Variants in GRIP1 observed in about 807,000 individuals in gnomAD.
The protein encoded by GRIP1 is glutamate receptor-interacting protein 1.
A neutral mutation model predicts 129.9 loss-of-function variants in GRIP1; 45 were observed. That is an observed-to-expected ratio of 0.35 (90% CI 0.27 to 0.44). The LOEUF (loss-of-function observed/expected upper bound fraction) is 0.44, where lower values mean the gene tolerates loss of function less well. Ranked by LOEUF, GRIP1 falls within the 20% of genes least tolerant of loss-of-function variation. GRIP1 has a pLI of 1.00. For synonymous variants in GRIP1, 530 were observed against 520.8 expected (o/e 1.02, Z -0.24); for missense variants, 1,196 against 1,396.8 (o/e 0.86, Z 2.29).
intron 1 of GRIP1, among the ~76,000 whole-genome samples, chr12:67,064,129 C>T (rs1011829374): frequency 2.6e-5 from 4 of 152,146 alleles, no homozygotes; most frequent in Non-Finnish European, 5.9e-5. Context: ...TGTTGAGGTT[C>T]CAATCCTTAT....
chr12:66,993,281 C>T (rs1344016749), intron 1 of GRIP1, among the ~76,000 whole-genome samples: 1 of 151,924 alleles, frequency 6.6e-6, no homozygotes, highest in Non-Finnish European at 1.5e-5. Flanking sequence ...ACCTAACCTT[C>T]TACTTTAAGA....
chr12:66,723,379 A>G (rs2036155929), intron 1 of GRIP1, among the ~76,000 whole-genome samples: 2 of 143,096 alleles, frequency 1.4e-5, no homozygotes, highest in Non-Finnish European at 3.0e-5. Context: ...GTGGTGCGAT[A>G]GCAGCTCATT....
At chr12:66,725,302 C>CA (rs548061585) in intron 1 of GRIP1, among the ~76,000 whole-genome samples, 34 of 151,358 alleles carry the variant, frequency 2.2e-4, no homozygotes, top group Middle Eastern at 3.4e-3. Flanking sequence ...GAGCCTGTCT[C>CA]AAAAAAACAC....
At chr12:66,505,082 A>G (rs2060492131) in intron 7 of GRIP1, among the ~76,000 whole-genome samples, 1 of 152,196 alleles carries the variant, frequency 6.6e-6, no homozygotes, top group Non-Finnish European at 1.5e-5. Context: ...GATACAATAT[A>G]TAACTCCAAT....
intron 1 of GRIP1, among the ~76,000 whole-genome samples, chr12:66,638,954 G>T (rs1056800480): frequency 6.6e-6 from 1 of 152,134 alleles, no homozygotes; most frequent in African/African-American, 2.4e-5. Context: ...TTTGTGAAAT[G>T]GGGATTAGTT....
At chr12:66,363,200 C>CTATATATATATAT (rs1565666281) in intron 23 of GRIP1, among the ~76,000 whole-genome samples, 1,240 of 88,200 alleles carry the variant, frequency 0.014, 113 homozygotes, top group Non-Finnish European at 0.017. Flanking sequence ...TGTGTGTGTC[C>CTATATATATATAT]ATATATATAT....
At chr12:66,665,512 T>A (rs1203463457) in intron 1 of GRIP1, among the ~76,000 whole-genome samples, 1 of 152,154 alleles carries the variant, frequency 6.6e-6, no homozygotes, top group African/African-American at 2.4e-5. Flanking sequence ...ATAGATAGAT[T>A]TGGAATGGTT....
rs189208511 is a variant in GRIP1 at position 66,657,713 on chromosome 12, C to A, written c.55+21137G>T. Among the ~76,000 whole-genome samples the A allele has an allele frequency of 2.4e-3, 370 of 152,292 alleles. 1 individual carries two copies. Among genetic ancestry groups the A allele is most frequent in the African/African-American group, 8.4e-3 (351 of 41,552 alleles). On this transcript the variant is annotated intron_variant, in intron 1 of 24. Transcript: ENST00000359742. ...TCAGACACTTAATTTCCAGCCCTGACGGGTTTCCTTTCCACTGCATTTTAA... is the reference window on the plus strand; with the variant it reads ...TCAGACACTTAATTTCCAGCCCTGAAGGGTTTCCTTTCCACTGCATTTTAA...
intron 1 of GRIP1, among the ~76,000 whole-genome samples, chr12:66,876,504 T>C (rs746472928): frequency 2.6e-5 from 4 of 152,120 alleles, no homozygotes; most frequent in Non-Finnish European, 4.4e-5. Flanking sequence ...CCACATTTCC[T>C]CATAATTATC....
intron 16 of GRIP1, among the ~76,000 whole-genome samples, chr12:66,401,876 C>T (rs903521478): frequency 2.0e-5 from 3 of 152,080 alleles, no homozygotes; most frequent in Non-Finnish European, 4.4e-5. Flanking sequence ...GCTCATTCAG[C>T]GCTTTCATCA....
chr12:66,677,466 C>T (rs1043923886), intron 1 of GRIP1, among the ~76,000 whole-genome samples: 20 of 152,230 alleles, frequency 1.3e-4, no homozygotes, highest in African/African-American at 4.8e-4. Context: ...AAGGGCCTGC[C>T]TTTAAAAGTC....
At chr12:66,765,835 G>A (rs911671836) in intron 1 of GRIP1, among the ~76,000 whole-genome samples, 1 of 152,192 alleles carries the variant, frequency 6.6e-6, no homozygotes, top group Non-Finnish European at 1.5e-5. Flanking sequence ...ACTAGATTTG[G>A]AGGAAGAGGC....
upstream of GRIP1, among the ~76,000 whole-genome samples, chr12:66,682,625 A>AT (rs1187598237): frequency 6.6e-6 from 1 of 152,074 alleles, no homozygotes; most frequent in African/African-American, 2.4e-5. Context: ...ATTCTCCGCC[A>AT]TTGTATTCAT....
At chr12:66,741,463 C>T (rs1385168519) in intron 1 of GRIP1, among the ~76,000 whole-genome samples, 1 of 152,112 alleles carries the variant, frequency 6.6e-6, no homozygotes, top group African/African-American at 2.4e-5. Context: ...GTTAACTTGT[C>T]GCAGAGATAA....
intron 1 of GRIP1, among the ~76,000 whole-genome samples, chr12:66,908,951 C>A (rs1201708398): frequency 6.6e-6 from 1 of 152,162 alleles, no homozygotes; most frequent in Non-Finnish European, 1.5e-5. Flanking sequence ...TCTATCTATC[C>A]CTCAATGGAG....
intron 1 of GRIP1, among the ~76,000 whole-genome samples, chr12:67,030,397 T>C (rs993858161): frequency 2.6e-5 from 4 of 152,048 alleles, no homozygotes; most frequent in African/African-American, 4.8e-5. Context: ...GCAGCACAGA[T>C]TGAGAAGCAC....
At chr12:66,869,511 CTTAA>C (rs2040260091) in intron 1 of GRIP1, among the ~76,000 whole-genome samples, 1 of 152,034 alleles carries the variant, frequency 6.6e-6, no homozygotes. Context: ...TGCAGCTGAC[CTTAA>C]TTAACATGTT....
intron 1 of GRIP1, among the ~76,000 whole-genome samples, chr12:66,784,881 A>G (rs2038272016): frequency 1.3e-5 from 2 of 152,114 alleles, no homozygotes; most frequent in African/African-American, 4.8e-5. Flanking sequence ...TCATATGTCT[A>G]GTCATTCTTC....
intron 1 of GRIP1, among the ~76,000 whole-genome samples, chr12:66,974,361 G>A (rs906342945): frequency 2.0e-5 from 3 of 152,078 alleles, no homozygotes; most frequent in South Asian, 4.1e-4. Flanking sequence ...TCCAACATGC[G>A]ATAACAGACT....
Sources: allele counts gnomAD v4.1 joint callset (sites outside exome capture counted in the v4.1 genomes callset), GRCh38; gene constraint gnomAD v4.1.1; transcripts MANE v1.5; gene names NCBI Gene and HGNC (gene_info 2026-07-23, HGNC 2026-07-21).